MFHAS1: variants seen among roughly 807,000 people sequenced by gnomAD.
MFHAS1 encodes the protein multifunctional ROCO family signaling regulator 1, also known as malignant fibrous histiocytoma-amplified sequence 1.
MFHAS1 carries 50 observed loss-of-function variants against 70.4 expected under a neutral mutation model. The ratio of observed to expected loss-of-function variants is 0.71; its 90% CI spans 0.57 to 0.90. MFHAS1 has a LOEUF of 0.90. MFHAS1 is among the 40% of genes least tolerant of loss of function. MFHAS1 has a pLI of 0.00. For synonymous variants in MFHAS1, 952 were observed against 620.0 expected (o/e 1.54, Z -7.96); for missense variants, 1,795 against 1,347.6 (o/e 1.33, Z -5.20).
chr8:8,884,249 A>C (rs1436852761), intron 1 of MFHAS1, among the ~76,000 whole-genome samples: 4 of 152,218 alleles, frequency 2.6e-5, no homozygotes, highest in Non-Finnish European at 5.9e-5. Context: ...TATTCTGCAC[A>C]GTATTTGTTT....
At chr8:8,802,346 C>G (rs1351179425) in intron 1 of MFHAS1, among the ~76,000 whole-genome samples, 2 of 152,202 alleles carry the variant, frequency 1.3e-5, no homozygotes, top group Non-Finnish European at 2.9e-5. Flanking sequence ...TTAGGTAACA[C>G]ATACACGAAA....
At chr8:8,873,475 C>CT (rs11454563) in intron 1 of MFHAS1, among the ~76,000 whole-genome samples, 115,711 of 142,596 alleles carry the variant, frequency 0.81, 49,079 homozygotes, top group Non-Finnish European at 0.94. Flanking sequence ...TAATTGCTTA[C>CT]TTTTTTTTTT....
chr8:8,833,814 G>T (rs762919619), intron 1 of MFHAS1, among the ~76,000 whole-genome samples: 21 of 152,074 alleles, frequency 1.4e-4, no homozygotes, highest in African/African-American at 5.1e-4. Flanking sequence ...CCCATCAAAT[G>T]AATGAACATA....
chr8:8,829,928 G>A (rs961658139), intron 1 of MFHAS1, among the ~76,000 whole-genome samples: 2 of 152,234 alleles, frequency 1.3e-5, no homozygotes, highest in African/African-American at 4.8e-5. Flanking sequence ...AGACCATACA[G>A]AAGATTCTTC....
chr8:8,888,135 TAC>T (rs1809842283), intron 1 of MFHAS1, among the ~76,000 whole-genome samples: 1 of 152,212 alleles, frequency 6.6e-6, no homozygotes, highest in Non-Finnish European at 1.5e-5. Flanking sequence ...CTGAAGAGTC[TAC>T]CAAGTCATGG....
At chr8:8,863,439 T>C (rs1298113121) in intron 1 of MFHAS1, among the ~76,000 whole-genome samples, 2 of 152,176 alleles carry the variant, frequency 1.3e-5, no homozygotes, top group African/African-American at 4.8e-5. Context: ...TCCATGTATT[T>C]CCTGCCTAGA....
chr8:8,787,025 T>A (rs1805567673), intron 2 of MFHAS1, among the ~76,000 whole-genome samples: 1 of 152,090 alleles, frequency 6.6e-6, no homozygotes, highest in African/African-American at 2.4e-5. Flanking sequence ...TAGTGCATTA[T>A]TTATCTTCAA....
intron 1 of MFHAS1, among the ~76,000 whole-genome samples, chr8:8,867,823 C>T (rs1045906896): frequency 1.3e-5 from 2 of 152,108 alleles, no homozygotes; most frequent in South Asian, 2.1e-4. Flanking sequence ...TCCCAAAGTG[C>T]TGGGATTACA....
intron 1 of MFHAS1, among the ~76,000 whole-genome samples, chr8:8,846,999 AATGG>A (rs762131485): frequency 6.4e-4 from 98 of 152,316 alleles, no homozygotes; most frequent in Non-Finnish European, 1.1e-3. Context: ...ATATTTGTTG[AATGG>A]ATGAATAAAT....
chr8:8,792,979 A>C (rs182289820), intron 2 of MFHAS1, among the ~76,000 whole-genome samples: 1 of 152,352 alleles, frequency 6.6e-6, no homozygotes, highest in Admixed American at 6.5e-5. Flanking sequence ...CAAAGCATGG[A>C]AATGACTCAC....
intron 1 of MFHAS1, among the ~76,000 whole-genome samples, chr8:8,848,998 C>T (rs1034072656): frequency 6.6e-6 from 1 of 151,710 alleles, no homozygotes; most frequent in Non-Finnish European, 1.5e-5. Context: ...TGACCACTTC[C>T]TCCCACTAGC....
chr8:8,828,361 G>C (rs1181243108), intron 1 of MFHAS1, among the ~76,000 whole-genome samples: 1 of 152,200 alleles, frequency 6.6e-6, no homozygotes, highest in Non-Finnish European at 1.5e-5. Flanking sequence ...AAGAGAAATA[G>C]TGGGGAGGCA....
chr8:8,856,043 G>A (rs913962753), intron 1 of MFHAS1, among the ~76,000 whole-genome samples: 15 of 152,106 alleles, frequency 9.9e-5, no homozygotes, highest in South Asian at 2.1e-4. Context: ...GAAAGCGAGC[G>A]GGGACTGAAT....
In MFHAS1 at chr8:8,810,034, T is replaced by C. The variant is rs183261905; in HGVS notation, c.2999-12543A>G. On this transcript the variant is annotated intron_variant, in intron 1 of 2. Coordinates refer to ENST00000276282, the MANE Select transcript of MFHAS1 (RefSeq NM_004225.3). ...GGACCTTATCAAAATCTACCTGACTTTGAAGTACTAAGGGGAATCATGTGA... is the reference window on the plus strand; with the variant it reads ...GGACCTTATCAAAATCTACCTGACTCTGAAGTACTAAGGGGAATCATGTGA... Among the ~76,000 whole-genome samples the C allele has an allele frequency of 2.6e-5, 4 of 152,308 alleles. No individual in the cohort carries two copies. In the East Asian group the frequency reaches 7.7e-4, roughly 29 times the overall value.
At chr8:8,824,939 C>T (rs1190363625) in intron 1 of MFHAS1, among the ~76,000 whole-genome samples, 2 of 152,218 alleles carry the variant, frequency 1.3e-5, no homozygotes, top group Non-Finnish European at 2.9e-5. Flanking sequence ...CGCTTCTCTG[C>T]CCCCAGGCCA....
chr8:8,876,470 C>G (rs572813422), intron 1 of MFHAS1, among the ~76,000 whole-genome samples: 1 of 152,224 alleles, frequency 6.6e-6, no homozygotes, highest in Admixed American at 6.5e-5. Flanking sequence ...CGTGGTGGCA[C>G]ATGCCTATAA....
chr8:8,859,221 G>A (rs377714616), intron 1 of MFHAS1, among the ~76,000 whole-genome samples: 1 of 152,186 alleles, frequency 6.6e-6, no homozygotes, highest in Admixed American at 6.5e-5. Context: ...GCACACGCCT[G>A]TAGTCCCAGC....
intron 1 of MFHAS1, among the ~76,000 whole-genome samples, chr8:8,825,318 G>C (rs1052129969): frequency 6.6e-6 from 1 of 152,186 alleles, no homozygotes; most frequent in Non-Finnish European, 1.5e-5. Flanking sequence ...GATTACAGGT[G>C]TGCGTCACCA....
chr8:8,790,264 C>T (rs1434917571), intron 2 of MFHAS1: 1 of 534,892 alleles, frequency 1.9e-6, no homozygotes, highest in Non-Finnish European at 2.4e-6. Flanking sequence ...CCTAATCTCT[C>T]TGAGTCCTCA....
Sources: gnomAD v4.1 joint callset for allele counts (sites outside exome capture counted in the v4.1 genomes callset) on GRCh38, gnomAD v4.1.1 for gene constraint, MANE v1.5 for transcripts, NCBI Gene and HGNC (gene_info 2026-07-23, HGNC 2026-07-21) for gene names.